MYO3B: variants seen among roughly 807,000 people sequenced by gnomAD.
The protein encoded by MYO3B is myosin-IIIb.
In MYO3B, 156 loss-of-function variants were observed where a neutral mutation model predicts 174.6. The ratio of observed to expected loss-of-function variants is 0.89; its 90% CI spans 0.78 to 1.02. The LOEUF is 1.02. Ranked by LOEUF, MYO3B falls within the 50% of genes least tolerant of loss-of-function variation. MYO3B has a pLI of 0.00. For missense variants in MYO3B, 1,632 were observed against 1,639.4 expected, an observed-to-expected ratio of 1.00 and a Z score of 0.08; for synonymous variants, 563 against 569.1, an observed-to-expected ratio of 0.99 and a Z score of 0.15.
At chr2:170,509,024 A>T (rs60595484) in intron 28 of MYO3B, among the ~76,000 whole-genome samples, 21,810 of 152,108 alleles carry the variant, frequency 0.14, 1,763 homozygotes, top group Non-Finnish European at 0.19. Flanking sequence ...GGGGGGGAAA[A>T]AAGTCTGTGA....
At chr2:170,346,621 G>A (rs1456079947) in intron 8 of MYO3B, among the ~76,000 whole-genome samples, 1 of 151,908 alleles carries the variant, frequency 6.6e-6, no homozygotes, top group African/African-American at 2.4e-5. Flanking sequence ...AAGGGTTTAT[G>A]TTAAATTCCT....
chr2:170,405,542 C>G lies in MYO3B; in HGVS notation c.2432-3C>G. ...TAACTCTCCAACATAAAAATCCACA[C>G]AGATAAATTTGAAGATAATCTACGA... On this transcript the variant is annotated splice_region_variant and splice_polypyrimidine_tract_variant and intron_variant, in intron 20 of 34. Coordinates refer to ENST00000408978, the MANE Select transcript of MYO3B (RefSeq NM_138995.5). The G allele has an allele frequency of 6.2e-7, 1 of 1,613,822 alleles. No homozygotes were observed. Among genetic ancestry groups the G allele is most frequent in the South Asian group, 1.1e-5 (1 of 91,062 alleles).
chr2:170,424,415 G>C lies in MYO3B; in HGVS notation c.2650+16571G>C, dbSNP rs1345288555. On this transcript the variant is annotated intron_variant, in intron 22 of 34. Coordinates refer to ENST00000408978, the MANE Select transcript of MYO3B (RefSeq NM_138995.5). The stretch of plus-strand genomic sequence containing the variant: ...GCATGGATCACAAGGTCAAGAGTTT[G>C]AGACCAGCTTGGCCAACATGGTGAA... Among the ~76,000 whole-genome samples the C allele has an allele frequency of 3.9e-5, 6 of 152,140 alleles. No individual in the cohort carries two copies. In the East Asian group the frequency reaches 1.2e-3, roughly 29 times the overall value.
chr2:170,282,352 G>A (rs560620841), intron 7 of MYO3B, among the ~76,000 whole-genome samples: 9 of 152,196 alleles, frequency 5.9e-5, no homozygotes, highest in South Asian at 4.1e-4. Flanking sequence ...ACCACTTATT[G>A]GAAAAGGTGA....
chr2:170,601,968 C>CT, intron 32 of MYO3B: 1 of 855,668 alleles, frequency 1.2e-6, no homozygotes, highest in Non-Finnish European at 2.0e-6. Context: ...CCTCGAACTT[C>CT]TTTTTTGTCT....
chr2:170,315,247 G>C (rs1212327416), intron 7 of MYO3B, among the ~76,000 whole-genome samples: 2 of 152,120 alleles, frequency 1.3e-5, no homozygotes, highest in South Asian at 2.1e-4. Flanking sequence ...TCTCAGAAAT[G>C]TGTCATACCA....
intron 25 of MYO3B, among the ~76,000 whole-genome samples, chr2:170,477,273 C>A (rs1685375177): frequency 6.6e-6 from 1 of 152,144 alleles, no homozygotes; most frequent in Admixed American, 6.5e-5. Flanking sequence ...AATCCCCAGT[C>A]CAGGCACCTT....
chr2:170,380,562 TGAGGA>T (rs962521168), intron 9 of MYO3B, among the ~76,000 whole-genome samples: 2 of 152,154 alleles, frequency 1.3e-5, no homozygotes, highest in Non-Finnish European at 2.9e-5. Context: ...TAAACCGCAT[TGAGGA>T]GTGATGAGTT....
At chr2:170,393,847 A>G (rs1242318731) in intron 16 of MYO3B, among the ~76,000 whole-genome samples, 1 of 152,182 alleles carries the variant, frequency 6.6e-6, no homozygotes, top group Non-Finnish European at 1.5e-5. Flanking sequence ...AAATATAAAT[A>G]TATTTTCCTT....
At chr2:170,465,121 C>T (rs1006210612) in intron 24 of MYO3B, among the ~76,000 whole-genome samples, 2 of 152,004 alleles carry the variant, frequency 1.3e-5, no homozygotes, top group Admixed American at 6.6e-5. Flanking sequence ...AATCCACCCA[C>T]CTCGGCCTCC....
At chr2:170,321,942 C>T (rs939995608) in intron 7 of MYO3B, among the ~76,000 whole-genome samples, 2 of 151,762 alleles carry the variant, frequency 1.3e-5, no homozygotes, top group South Asian at 2.1e-4. Flanking sequence ...GGTGAAACCC[C>T]GTATCTACTA....
In MYO3B at chr2:170,501,859, C is replaced by G. The variant is rs559222389; in HGVS notation, c.3364C>G (p.Gln1122Glu). ...NRRNESAAHN[Q>E]AGDTSNQSSG... ...AAGGAATGAGTCTGCTGCTCATAAT[C>G]AAGCAGGTAATTAAAACATCATTTT... is the stretch of plus-strand genomic sequence containing the variant. Residue 1122 changes from glutamine (Q) to glutamate (E), a missense_variant, in exon 28 of 35, where the codon CAA (glutamine) becomes GAA (glutamate). Physicochemically the swap from Gln to Glu is conservative, Grantham distance 29 (BLOSUM62 2). Coordinates refer to ENST00000408978, the MANE Select transcript of MYO3B (RefSeq NM_138995.5). 171 of 1,605,614 alleles carry G rather than the reference C, an allele frequency of 1.1e-4. No individual in the cohort carries two copies. In the East Asian group the frequency reaches 2.7e-3, roughly 25 times the overall value.
intron 6 of MYO3B, among the ~76,000 whole-genome samples, chr2:170,234,412 C>T (rs887195149): frequency 6.6e-6 from 1 of 152,224 alleles, no homozygotes; most frequent in East Asian, 1.9e-4. Context: ...TCCTGCAAGC[C>T]CTTTTCATGG....
rs769531863 is a variant in MYO3B, at chr2:170,401,802, C to CTTTTTTTTTTTTTTT, written c.2129+112_2129+126dup. On this transcript the variant is annotated intron_variant, in intron 18 of 34. Coordinates refer to ENST00000408978, the MANE Select transcript of MYO3B (RefSeq NM_138995.5). ...CCTCTCTGGGATTTTCTTTCTTTTT[C>CTTTTTTTTTTTTTTT]TTTTTTTTTTTTTTTGTGGAGTCAG... The CTTTTTTTTTTTTTTT allele has an allele frequency of 8.1e-5, 57 of 699,506 alleles. 1 individual carries two copies. Among genetic ancestry groups the CTTTTTTTTTTTTTTT allele is most frequent in the African/African-American group, 1.2e-4 (6 of 49,902 alleles). The allele number at this position is 699,506 out of a possible 1,614,324, so 43.3% of individuals were successfully genotyped here. A position where few individuals can be genotyped will look rare whatever the true frequency, so the allele number is the denominator to read the frequency against.
chr2:170,481,956 G>A (rs182536236), intron 25 of MYO3B, among the ~76,000 whole-genome samples: 2 of 152,158 alleles, frequency 1.3e-5, no homozygotes, highest in Admixed American at 6.5e-5. Flanking sequence ...CTTACATTAC[G>A]AATGTTATAA....
At chr2:170,625,829 A>T (rs1438578486) in intron 32 of MYO3B, among the ~76,000 whole-genome samples, 1 of 152,174 alleles carries the variant, frequency 6.6e-6, no homozygotes, top group Admixed American at 6.5e-5. Flanking sequence ...GTCATTCAGG[A>T]GCAGGTTGTT....
rs1182916816 is a variant in MYO3B at position 170,499,951 on chromosome 2, TTTCCTTCCTTCC to T, written c.3289+151_3289+162del. The T allele has an allele frequency of 1.1e-3, 707 of 645,954 alleles. 1 individual carries two copies. The highest frequency in any genetic ancestry group is 1.9e-3 in the Admixed American group (59 of 31,614). 40.0% of individuals were successfully genotyped at this position (645,954 alleles called of 1,614,324 possible). A position where few individuals can be genotyped will look rare whatever the true frequency, so the allele number is the denominator to read the frequency against. On this transcript the variant is annotated intron_variant, in intron 27 of 34. Transcript: ENST00000408978. ...CCTCCCTCCCTTCCTTCCTTCCTTC[TTTCCTTCCTTCC>T]TTCCTTCTTTCCTTCCTTCCTTTAG...
chr2:170,474,387 G>A (rs1685177096), intron 25 of MYO3B, among the ~76,000 whole-genome samples: 1 of 151,908 alleles, frequency 6.6e-6, no homozygotes, highest in African/African-American at 2.4e-5. Context: ...AACCCCACTT[G>A]AACCATGGCC....
At chr2:170,459,727 C>T (rs1684140070) in intron 23 of MYO3B, among the ~76,000 whole-genome samples, 1 of 152,142 alleles carries the variant, frequency 6.6e-6, no homozygotes. Context: ...TGGGAACCCA[C>T]TGGGGGTGGG....
Sources: allele counts gnomAD v4.1 joint callset (sites outside exome capture counted in the v4.1 genomes callset), GRCh38; gene constraint gnomAD v4.1.1; transcripts MANE v1.5; gene names NCBI Gene and HGNC (gene_info 2026-07-23, HGNC 2026-07-21).